The following TENM2 variants were observed in gnomAD, a reference collection of about 807,000 sequenced individuals.
TENM2 encodes the protein teneurin transmembrane protein 2.
In TENM2, 52 loss-of-function variants were observed where a neutral mutation model predicts 245.2. That is an observed-to-expected ratio of 0.21 (90% CI 0.17 to 0.27). TENM2 has a LOEUF of 0.27. TENM2 is among the 10% of genes least tolerant of loss of function. The probability of loss-of-function intolerance (pLI) is 1.00; values close to 1 mark genes in which losing one functional copy is unlikely to be tolerated. For synonymous variants in TENM2, 1,363 were observed against 1,438.9 expected, an observed-to-expected ratio of 0.95 and a Z score of 1.19; for missense variants, 3,046 against 3,666.8, an observed-to-expected ratio of 0.83 and a Z score of 4.37.
chr5:168,113,706 T>C (rs7730804), intron 9 of TENM2, among the ~76,000 whole-genome samples: 1,730 of 152,318 alleles, frequency 0.011, 35 homozygotes, highest in African/African-American at 0.039. Context: ...TTTTTTGTCA[T>C]CAGCCTGTTA....
intron 2 of TENM2, among the ~76,000 whole-genome samples, chr5:167,798,325 G>T (rs1765463593): frequency 6.6e-6 from 1 of 152,156 alleles, no homozygotes; most frequent in Non-Finnish European, 1.5e-5. Context: ...CTTTGGAAAA[G>T]CCCTTGTTAA....
At chr5:168,161,564 TAGG>T (rs1757742616) in intron 12 of TENM2, among the ~76,000 whole-genome samples, 1 of 152,146 alleles carries the variant, frequency 6.6e-6, no homozygotes, top group East Asian at 1.9e-4. Context: ...TGCCAGCACG[TAGG>T]TTTTGTGAGT....
At chr5:167,662,108 G>A (rs1295055340) in intron 2 of TENM2, among the ~76,000 whole-genome samples, 4 of 152,184 alleles carry the variant, frequency 2.6e-5, no homozygotes, top group South Asian at 4.1e-4. Context: ...GGAAATTAAG[G>A]TGCAGCCACC....
the TENM2 span, among the ~76,000 whole-genome samples, chr5:167,122,615 T>A: frequency 6.6e-6 from 1 of 152,208 alleles, no homozygotes; most frequent in African/African-American, 2.4e-5. Context: ...TTGGTGACCT[T>A]TGATGGTTAA....
chr5:167,179,860 G>A, the TENM2 span, among the ~76,000 whole-genome samples: 1 of 152,172 alleles, frequency 6.6e-6, no homozygotes, highest in East Asian at 1.9e-4. Context: ...CCTGATATTA[G>A]CTGCATGTGC....
chr5:167,614,336 T>C (rs1777649178), intron 2 of TENM2, among the ~76,000 whole-genome samples: 2 of 152,112 alleles, frequency 1.3e-5, no homozygotes, highest in African/African-American at 4.8e-5. Flanking sequence ...GTCTCATCCC[T>C]TTCCCTACGT....
the TENM2 span, among the ~76,000 whole-genome samples, chr5:167,012,024 C>T: frequency 5.3e-5 from 8 of 151,974 alleles, no homozygotes; most frequent in East Asian, 1.9e-4. Flanking sequence ...ATTCTTCTTA[C>T]GGATTTGTGG....
intron 4 of TENM2, among the ~76,000 whole-genome samples, chr5:167,975,247 G>T (rs1474568933): frequency 6.6e-6 from 1 of 152,152 alleles, no homozygotes; most frequent in Non-Finnish European, 1.5e-5. Flanking sequence ...CTTGACACTT[G>T]CATTTTTAAA....
chr5:168,141,136 G>T (rs1390935196), intron 12 of TENM2, among the ~76,000 whole-genome samples: 1 of 152,068 alleles, frequency 6.6e-6, no homozygotes, highest in Non-Finnish European at 1.5e-5. Context: ...GGCTTTGCAG[G>T]CATGACCCAG....
chr5:167,347,155 C>A (rs1383035733), intron 1 of TENM2, among the ~76,000 whole-genome samples: 2 of 151,028 alleles, frequency 1.3e-5, no homozygotes, highest in Admixed American at 6.6e-5. Flanking sequence ...AAAAAAAAAA[C>A]CTGTGTATAA....
intron 13 of TENM2, 105 bp downstream of exon 15, chr5:168,162,862 A>G (rs1757874711): frequency 7.5e-7 from 1 of 1,340,964 alleles, no homozygotes; most frequent in African/African-American, 1.5e-5. Flanking sequence ...ACTATTGTCA[A>G]ATGTTGTTGT....
At chr5:167,068,349 G>T in the TENM2 span, among the ~76,000 whole-genome samples, 5 of 152,110 alleles carry the variant, frequency 3.3e-5, no homozygotes, top group African/African-American at 4.8e-5. Flanking sequence ...CACCAGTATC[G>T]CCTGGGAAAG....
At chr5:167,013,488 A>G in the TENM2 span, among the ~76,000 whole-genome samples, 67 of 152,164 alleles carry the variant, frequency 4.4e-4, no homozygotes, top group Middle Eastern at 3.4e-3. Flanking sequence ...CGAAAAGCTG[A>G]CCACATTAAT....
chr5:167,727,302 C>T (rs867541278), intron 2 of TENM2, among the ~76,000 whole-genome samples: 103 of 151,992 alleles, frequency 6.8e-4, no homozygotes, highest in Middle Eastern at 6.9e-3. Context: ...TTAGTAGAGA[C>T]GGGGTTTCAC....
At chr5:167,969,053 C>T (rs1781579303) in intron 4 of TENM2, among the ~76,000 whole-genome samples, 1 of 152,162 alleles carries the variant, frequency 6.6e-6, no homozygotes, top group African/African-American at 2.4e-5. Flanking sequence ...TGTTTTTAGA[C>T]ATAATCATCT....
intron 2 of TENM2, among the ~76,000 whole-genome samples, chr5:167,379,827 T>C (rs2127327472): frequency 6.6e-6 from 1 of 151,924 alleles, no homozygotes; most frequent in South Asian, 2.1e-4. Context: ...GATGTTGATA[T>C]GGGATGATTT....
At chr5:168,048,184 G>A (rs532587772) in intron 6 of TENM2, among the ~76,000 whole-genome samples, 1 of 150,178 alleles carries the variant, frequency 6.7e-6, no homozygotes, top group South Asian at 2.2e-4. Context: ...AAAAAAAAAG[G>A]TGCTAACAAG....
chr5:167,497,664 T>C (rs1768904522), intron 2 of TENM2, among the ~76,000 whole-genome samples: 1 of 152,074 alleles, frequency 6.6e-6, no homozygotes, highest in African/African-American at 2.4e-5. Flanking sequence ...CTCCTCTACC[T>C]GTGGAGCTAT....
chr5:167,829,155 G>A (rs184254514), intron 2 of TENM2, among the ~76,000 whole-genome samples: 8 of 152,288 alleles, frequency 5.3e-5, no homozygotes, highest in Non-Finnish European at 1.0e-4. Flanking sequence ...GCCTATCCTC[G>A]TGGTGAAATG....
Sources: gnomAD v4.1 joint callset for allele counts (sites outside exome capture counted in the v4.1 genomes callset) on GRCh38, gnomAD v4.1.1 for gene constraint, MANE v1.5 for transcripts, NCBI Gene and HGNC (gene_info 2026-07-23, HGNC 2026-07-21) for gene names.